Variants in VIM observed in about 807,000 individuals in gnomAD.
VIM encodes vimentin, also known as epididymis secretory sperm binding protein.
In VIM, 18 loss-of-function variants were observed where a neutral mutation model predicts 50.3. The ratio of observed to expected loss-of-function variants is 0.36; its 90% CI spans 0.25 to 0.53. The LOEUF (loss-of-function observed/expected upper bound fraction) is 0.53, where lower values mean the gene tolerates loss of function less well. Ranked by LOEUF, VIM falls within the 20% of genes least tolerant of loss-of-function variation. VIM has a pLI of 0.91. For synonymous variants in VIM, 245 were observed against 248.5 expected (o/e 0.99, Z 0.13); for missense variants, 551 against 614.7 (o/e 0.90, Z 1.10).
chr10:17,235,922 C>T, intron 8 of VIM, 33 bp downstream of exon 8: 5 of 1,596,668 alleles, frequency 3.1e-6, no homozygotes, highest in South Asian at 1.1e-5. Flanking sequence ...GGAAAAACGT[C>T]AGCTGCTTGT....
At chr10:17,236,051 A>C in intron 8 of VIM, 162 bp downstream of exon 8, 1 of 792,862 alleles carries the variant, frequency 1.3e-6, no homozygotes, top group African/African-American at 1.7e-5. Context: ...CTTGCATTCT[A>C]TGCTTTAAGT....
intron 2 of VIM, chr10:17,230,296 C>G: frequency 1.7e-6 from 1 of 571,938 alleles, no homozygotes; most frequent in Non-Finnish European, 3.1e-6. Context: ...AGAGCCAGTC[C>G]TCCAAACTTT....
In VIM at chr10:17,236,348, T is replaced by C; in HGVS notation, c.1328T>C (p.Leu443Pro). Residue 443 changes from leucine (L) to proline (P), a missense_variant, in exon 9 of 10, where the codon CTG becomes CCG. Physicochemically the swap from Leu to Pro is moderately conservative, Grantham distance 98. Coordinates refer to ENST00000544301, the MANE Select transcript of VIM (RefSeq NM_003380.5). ...LVDTHSKRTLLIKTVETRDGQ... is the reference protein window; with the variant it reads ...LVDTHSKRTLPIKTVETRDGQ... ...GATACCCACTCAAAAAGGACACTTC[T>C]GATTAAGACGGTTGAAACTAGAGAT... 6.2e-7 allele frequency: 1 copy of C among 1,613,832 alleles called. No homozygotes were observed. The highest frequency in any genetic ancestry group is 1.1e-5 in the South Asian group (1 of 91,072).
In VIM at chr10:17,230,910, T is replaced by C. The variant is rs547183553; in HGVS notation, c.624+200T>C. The C allele has an allele frequency of 1.4e-5, 8 of 565,166 alleles. No individual in the cohort carries two copies. In the East Asian group the frequency reaches 2.6e-4, roughly 18 times the overall value. The allele number at this position is 565,166 out of a possible 1,614,324, so 35.0% of individuals were successfully genotyped here. Reference sequence around the variant, plus strand: ...TAATAAAACCCCTTGAGCGATTTTTTTTTTTTTTTTGAGACGGAGTCTTAC... The same window carrying C: ...TAATAAAACCCCTTGAGCGATTTTTCTTTTTTTTTTGAGACGGAGTCTTAC... On this transcript the variant is annotated intron_variant, in intron 3 of 9. Transcript: ENST00000544301.
At position 17,234,406 on chromosome 10, in the gene VIM, C is replaced by T. The variant is rs72775101; in HGVS notation, c.883-287C>T. On this transcript the variant is annotated intron_variant, in intron 5 of 9. Transcript: ENST00000544301. The stretch of plus-strand genomic sequence containing the variant: ...TTGGGATTACAGGCATGCGCCACCA[C>T]GCCTGGCCACATCACCTCCTTCAGA... Among the ~76,000 whole-genome samples the T allele has an allele frequency of 0.1, 15,760 of 152,212 alleles. 1,098 individuals carry two copies. The highest frequency in any genetic ancestry group is 0.15 in the Non-Finnish European group (10,457 of 67,998).
chr10:17,234,306 G>GCCAT (rs1193044594), intron 5 of VIM, among the ~76,000 whole-genome samples: 1 of 151,960 alleles, frequency 6.6e-6, no homozygotes, highest in Non-Finnish European at 1.5e-5. Flanking sequence ...GTAGAGATGG[G>GCCAT]GTTTCACCAT....
intron 6 of VIM, 39 bp from the exon 7 acceptor site, chr10:17,235,130 C>T (rs767156130): frequency 7.5e-6 from 12 of 1,609,468 alleles, no homozygotes; most frequent in Non-Finnish European, 1.0e-5. Flanking sequence ...CTGGGTTTTT[C>T]TGAGAAATAA....
chr10:17,235,125 T>A, intron 6 of VIM, 44 bp from the exon 7 acceptor site: 1 of 1,608,096 alleles, frequency 6.2e-7, no homozygotes, highest in Non-Finnish European at 8.5e-7. Flanking sequence ...AACAGCTGGG[T>A]TTTTCTGAGA....
chr10:17,233,371 C>T (rs1846828820), intron 3 of VIM: 1 of 558,802 alleles, frequency 1.8e-6, no homozygotes, highest in African/African-American at 1.9e-5. Flanking sequence ...GAGTAAAACA[C>T]AAGCAGTCAC....
At position 17,234,709 on chromosome 10, in the gene VIM, A is replaced by G. The variant is rs144238562; in HGVS notation, c.899A>G (p.Glu300Gly). The change falls in exon 6 of 10, where the codon GAG becomes GGG. Residue 300 changes from glutamate (E) to glycine (G), a missense_variant. By Grantham distance (98) the Glu-to-Gly change is moderately conservative. Coordinates refer to ENST00000544301, the MANE Select transcript of VIM (RefSeq NM_003380.5). ...WYKSKFADLS[E>G]AANRNNDALR... ...TCCCAACAGTTTGCTGACCTCTCTG[A>G]GGCTGCCAACCGGAACAATGACGCC... The G allele has an allele frequency of 6.6e-5, 107 of 1,613,952 alleles. No homozygotes were observed. Among genetic ancestry groups the G allele is most frequent in the Non-Finnish European group, 9.0e-5 (106 of 1,180,030 alleles).
rs1041841777 is a variant in VIM, at chr10:17,228,520, G to C, written c.-152G>C. 1.3e-5 allele frequency: 2 copies of C among 152,250 alleles called. No homozygotes were observed. The highest frequency in any genetic ancestry group is 4.8e-5 in the African/African-American group (2 of 41,456). The allele number at this position is 152,250 out of a possible 1,614,324, so 9.4% of individuals were successfully genotyped here. A position where few individuals can be genotyped will look rare whatever the true frequency, so the allele number is the denominator to read the frequency against. Reference sequence around the variant, plus strand: ...AGCCCTCAATCGGCGGGACAGCAGGGCGCGGTGAGTCACCGCCGGTGACTA... The same window carrying C: ...AGCCCTCAATCGGCGGGACAGCAGGCCGCGGTGAGTCACCGCCGGTGACTA... On this transcript the variant is annotated 5_prime_UTR_variant, in exon 1 of 10. Transcript: ENST00000544301.
intron 1 of VIM, 114 bp from the exon 2 acceptor site, chr10:17,229,162 C>T (rs1588731022): frequency 1.2e-5 from 2 of 163,728 alleles, no homozygotes; most frequent in African/African-American, 2.4e-5. Context: ...CGCCCACCCT[C>T]CCCGCTTCTC....
intron 2 of VIM, chr10:17,230,293 G>C: frequency 1.7e-6 from 1 of 572,148 alleles, no homozygotes; most frequent in Non-Finnish European, 3.1e-6. Flanking sequence ...ATGAGAGCCA[G>C]TCCTCCAAAC....
At position 17,233,889 on chromosome 10, in the gene VIM, T is replaced by C; in HGVS notation, c.840T>C (p.Ala280=). 2 of 1,614,140 alleles carry C rather than the reference T, an allele frequency of 1.2e-6. No individual in the cohort carries two copies. Among genetic ancestry groups the C allele is most frequent in the Non-Finnish European group, 1.7e-6 (2 of 1,180,000 alleles). The change falls in exon 5 of 10, where the codon GCT becomes GCC. Residue 280 remains alanine, a synonymous_variant. Coordinates refer to ENST00000544301, the MANE Select transcript of VIM (RefSeq NM_003380.5). ...TACGTCAGCAATATGAAAGTGTGGC[T>C]GCCAAGAACCTGCAGGAGGCAGAAG... ...RDVRQQYESV[A]AKNLQEAEEW...
intron 8 of VIM, 142 bp downstream of exon 8, chr10:17,236,031 C>A: frequency 1.1e-6 from 1 of 898,302 alleles, no homozygotes; most frequent in Non-Finnish European, 1.8e-6. Flanking sequence ...TTTTCGAACC[C>A]AAGTACACTC....
At chr10:17,228,857 C>G (rs1305963472) in intron 1 of VIM, 1 of 161,154 alleles carries the variant, frequency 6.2e-6, no homozygotes, top group African/African-American at 2.4e-5. Context: ...ATTCCTTACT[C>G]TTTCCTCTTC....
intron 9 of VIM, 117 bp from the exon 10 acceptor site, chr10:17,237,113 C>T: frequency 1.0e-6 from 1 of 984,252 alleles, no homozygotes; most frequent in African/African-American, 1.7e-5. Context: ...ACATAACCTT[C>T]TGATTTGCAC....
chr10:17,235,301 C>A lies in VIM; in HGVS notation c.1141C>A (p.Arg381Ser). 6.2e-7 allele frequency: 1 copy of A among 1,614,192 alleles called. No homozygotes were observed. The highest frequency in any genetic ancestry group is 1.3e-5 in the African/African-American group (1 of 75,046). Reference protein sequence around the residue: ...NMKEEMARHLREYQDLLNVKM... With the variant: ...NMKEEMARHLSEYQDLLNVKM... ...GAAGGAGGAAATGGCTCGTCACCTT[C>A]GTGAATACCAAGACCTGCTCAATGT... The change falls in exon 7 of 10, where the codon CGT becomes AGT. Residue 381 changes from arginine to serine, a missense_variant. By Grantham distance (110) the Arg-to-Ser change is moderately radical (BLOSUM62 -1). Coordinates refer to ENST00000544301, the MANE Select transcript of VIM (RefSeq NM_003380.5).
intron 3 of VIM, among the ~76,000 whole-genome samples, chr10:17,231,656 T>G (rs1198834905): frequency 6.6e-6 from 1 of 152,342 alleles, no homozygotes; most frequent in South Asian, 2.1e-4. Flanking sequence ...CCTCACATTT[T>G]AAAAGTCCTT....
Sources: gnomAD v4.1 joint callset for allele counts (sites outside exome capture counted in the v4.1 genomes callset) on GRCh38, gnomAD v4.1.1 for gene constraint, MANE v1.5 for transcripts, NCBI Gene and HGNC (gene_info 2026-07-23, HGNC 2026-07-21) for gene names.